The following GPAM variants were observed in gnomAD, a reference collection of about 807,000 sequenced individuals.
The protein encoded by GPAM is glycerol-3-phosphate acyltransferase, mitochondrial.
A neutral mutation model predicts 105.0 loss-of-function variants in GPAM; 56 were observed. The observed-to-expected ratio is 0.53, with a 90% CI of 0.43 to 0.67. The LOEUF (loss-of-function observed/expected upper bound fraction) is 0.67, where lower values mean the gene tolerates loss of function less well. GPAM is among the 30% of genes least tolerant of loss of function. The pLI is 0.00. For missense variants in GPAM, 855 were observed against 989.8 expected, an observed-to-expected ratio of 0.86 and a Z score of 1.83; for synonymous variants, 368 against 354.4, an observed-to-expected ratio of 1.04 and a Z score of -0.43.
rs1846946525 is a variant in GPAM, at chr10:112,152,965, G to A, written c.*585C>T. ...AACATTTCTAAATCTGACAGCAAAG[G>A]ACAGCACAGTGATACCTGGGTGTGA... On this transcript the variant is annotated 3_prime_UTR_variant, in exon 22 of 22. Transcript: ENST00000348367. 1 of 218,656 alleles carries A rather than the reference G, an allele frequency of 4.6e-6. No individual in the cohort carries two copies. Among genetic ancestry groups the A allele is most frequent in the Admixed American group, 6.4e-5 (1 of 15,720 alleles). 13.5% of individuals were successfully genotyped at this position (218,656 alleles called of 1,614,324 possible). A position where few individuals can be genotyped will look rare whatever the true frequency, so the allele number is the denominator to read the frequency against.
upstream of GPAM, among the ~76,000 whole-genome samples, chr10:112,187,225 T>A (rs1847606516): frequency 6.6e-6 from 1 of 152,066 alleles, no homozygotes; most frequent in Non-Finnish European, 1.5e-5. Context: ...CATGGCAAGA[T>A]GATAGATTTA....
chr10:112,198,688 A>T (rs1040624120), intron 1 of GPAM, among the ~76,000 whole-genome samples: 6 of 152,194 alleles, frequency 3.9e-5, no homozygotes, highest in Non-Finnish European at 8.8e-5. Context: ...ATCCAAACGA[A>T]TTGAAATTGC....
intron 1 of GPAM, among the ~76,000 whole-genome samples, chr10:112,199,224 A>G (rs1188799623): frequency 6.6e-6 from 1 of 152,118 alleles, no homozygotes; most frequent in Non-Finnish European, 1.5e-5. Context: ...CCAAAGTGCC[A>G]GAATTACAGG....
chr10:112,173,571 T>G, intron 7 of GPAM, 128 bp downstream of exon 7: 2 of 944,642 alleles, frequency 2.1e-6, no homozygotes, highest in South Asian at 2.7e-5. Context: ...GAGTTTAATT[T>G]AATATCAGGA....
At chr10:112,199,955 A>T (rs1359147035) in intron 1 of GPAM, among the ~76,000 whole-genome samples, 1 of 152,036 alleles carries the variant, frequency 6.6e-6, no homozygotes, top group African/African-American at 2.4e-5. Flanking sequence ...AAACCATATA[A>T]GTATACATAT....
rs1489337807 is a variant in GPAM at position 112,168,919 on chromosome 10, T to C, written c.828A>G (p.Ile276Met). 4.3e-6 allele frequency: 7 copies of C among 1,610,772 alleles called. No individual in the cohort carries two copies. Among genetic ancestry groups the C allele is most frequent in the Non-Finnish European group, 5.9e-6 (7 of 1,177,088 alleles). ...CTGGTGTTTCATCGAGCCTTCGTCG[T>C]ATGAAGAAGCCCCCAAGCTTATGGA... ...TLIHKLGGFF[I>M]RRRLDETPDG... is the part of the protein sequence containing the mutation. Residue 276 changes from isoleucine (I) to methionine (M), a missense_variant, in exon 10 of 22, where the codon ATA (isoleucine) becomes ATG (methionine). Ile to Met is a conservative substitution (Grantham distance 10). Coordinates refer to ENST00000348367, the MANE Select transcript of GPAM (RefSeq NM_001244949.2).
At chr10:112,184,076 ATG>A (rs773692455), upstream of GPAM, among the ~76,000 whole-genome samples, 4 of 152,080 alleles carry the variant, frequency 2.6e-5, no homozygotes, top group African/African-American at 4.8e-5. Context: ...CTATCAGGTT[ATG>A]TGTGTGGTCT....
intron 19 of GPAM, 99 bp downstream of exon 19, chr10:112,157,150 T>C: frequency 9.4e-7 from 1 of 1,066,018 alleles, no homozygotes; most frequent in Non-Finnish European, 1.5e-6. Context: ...TGGGGGATTC[T>C]TTAGATAAGA....
chr10:112,221,398 G>A, the GPAM span, among the ~76,000 whole-genome samples: 1 of 152,116 alleles, frequency 6.6e-6, no homozygotes, highest in African/African-American at 2.4e-5. Flanking sequence ...AAAGTGTGGT[G>A]GGAGGACCCC....
At chr10:112,198,825 C>A (rs183518959) in intron 1 of GPAM, among the ~76,000 whole-genome samples, 1 of 151,970 alleles carries the variant, frequency 6.6e-6, no homozygotes, top group East Asian at 1.9e-4. Flanking sequence ...ATATACACAA[C>A]GGACTACTCT....
chr10:112,177,928 T>C lies in GPAM; in HGVS notation c.299+56A>G, dbSNP rs1337936032. 4 of 915,700 alleles carry C rather than the reference T, an allele frequency of 4.4e-6. No individual in the cohort carries two copies. The Admixed American group carries it at 6.9e-5, about 16-fold the overall frequency. 56.7% of individuals were successfully genotyped at this position (915,700 alleles called of 1,614,324 possible). On this transcript the variant is annotated intron_variant, in intron 5 of 21. Transcript: ENST00000348367. Reference sequence around the variant, plus strand: ...ATTCAGCTTAAAGTGTGTTAACTGATTATTATGAAGTTTTTCTTTTGAGAT... The same window carrying C: ...ATTCAGCTTAAAGTGTGTTAACTGACTATTATGAAGTTTTTCTTTTGAGAT...
chr10:112,163,392 G>A (rs955574700), intron 14 of GPAM, among the ~76,000 whole-genome samples: 3 of 152,210 alleles, frequency 2.0e-5, no homozygotes, highest in African/African-American at 7.2e-5. Context: ...CCACAAATTA[G>A]TTCAAGTAGT....
intron 1 of GPAM, among the ~76,000 whole-genome samples, chr10:112,207,615 T>G (rs1847866148): frequency 6.6e-6 from 1 of 152,198 alleles, no homozygotes; most frequent in African/African-American, 2.4e-5. Flanking sequence ...GTAGACATAT[T>G]AGGTCATGGT....
At chr10:112,180,790 A>G (rs1223428142) in intron 3 of GPAM, among the ~76,000 whole-genome samples, 195 bp from the exon 4 acceptor site, 2 of 152,210 alleles carry the variant, frequency 1.3e-5, no homozygotes, top group African/African-American at 4.8e-5. Flanking sequence ...GCACCCAAGG[A>G]TAGTAATAGC....
At chr10:112,184,178 C>T (rs1212360908), upstream of GPAM, among the ~76,000 whole-genome samples, 2 of 152,032 alleles carry the variant, frequency 1.3e-5, no homozygotes, top group Non-Finnish European at 2.9e-5. Context: ...TAATTTCTAC[C>T]AAAGTGGCTG....
At position 112,151,337 on chromosome 10, in the gene GPAM, T is replaced by A. The variant is rs1224020245; in HGVS notation, c.*2213A>T. 2.6e-5 allele frequency: 26 copies of A among 985,746 alleles called. No homozygotes were observed. Among genetic ancestry groups the A allele is most frequent in the Non-Finnish European group, 3.0e-5 (25 of 829,922 alleles). 61.1% of individuals were successfully genotyped at this position (985,746 alleles called of 1,614,324 possible). A position where few individuals can be genotyped will look rare whatever the true frequency, so the allele number is the denominator to read the frequency against. ...AAGATGCTTTCGTTTTTTTGTTTTT[T>A]GTTTTCAGTCATGAGGCACTGAAGA... On this transcript the variant is annotated 3_prime_UTR_variant, in exon 22 of 22. Coordinates refer to ENST00000348367, the MANE Select transcript of GPAM (RefSeq NM_001244949.2).
At chr10:112,182,385 A>C (rs183739628) in intron 2 of GPAM, among the ~76,000 whole-genome samples, 70 of 152,346 alleles carry the variant, frequency 4.6e-4, no homozygotes, top group African/African-American at 1.7e-3. Flanking sequence ...GGTAATACAA[A>C]GCTACAAAGC....
At chr10:112,164,093 C>T (rs1173317783) in intron 13 of GPAM, among the ~76,000 whole-genome samples, 2 of 152,122 alleles carry the variant, frequency 1.3e-5, no homozygotes, top group Non-Finnish European at 2.9e-5. Flanking sequence ...TATTTTAAAA[C>T]ATTTCTGAAA....
At chr10:112,198,900 A>G (rs964847612) in intron 1 of GPAM, among the ~76,000 whole-genome samples, 1 of 151,536 alleles carries the variant, frequency 6.6e-6, no homozygotes, top group Admixed American at 6.6e-5. Context: ...AGAGGACATT[A>G]TTTTTATTTT....
Sources: gnomAD v4.1 joint callset for allele counts (sites outside exome capture counted in the v4.1 genomes callset) on GRCh38, gnomAD v4.1.1 for gene constraint, MANE v1.5 for transcripts, NCBI Gene and HGNC (gene_info 2026-07-23, HGNC 2026-07-21) for gene names.